HECA: variants seen among roughly 807,000 people sequenced by gnomAD.
HECA encodes the protein HECA ribonucleoprotein granule regulator, also known as headcase protein homolog.
In HECA, 13 loss-of-function variants were observed where a neutral mutation model predicts 37.6. The ratio of observed to expected loss-of-function variants is 0.35; its 90% CI spans 0.23 to 0.55. The LOEUF (loss-of-function observed/expected upper bound fraction) is 0.55, where lower values mean the gene tolerates loss of function less well. Ranked by LOEUF, HECA falls within the 20% of genes least tolerant of loss-of-function variation. The pLI, the probability that HECA is intolerant of heterozygous loss-of-function variation, is 0.90. For synonymous variants in HECA, 307 were observed against 291.5 expected (o/e 1.05, Z -0.54); for missense variants, 527 against 701.9 (o/e 0.75, Z 2.82).
At chr6:139,170,669 G>A (rs78697103) in intron 2 of HECA, 4,568 of 152,314 alleles carry the variant, frequency 0.03, 74 homozygotes, top group Non-Finnish European at 0.039. Context: ...GAGTGGGAAA[G>A]GAGTAGGATA....
rs1285962547 is a variant in HECA, at chr6:139,135,688, C to T, written c.271+21C>T. ...AAACGGTAAGACGGGGCTGGCGGGG[C>T]GAGCGCCAACTTCCTCCCCGACGGG... On this transcript the variant is annotated intron_variant, in intron 1 of 3. Coordinates refer to ENST00000367658, the MANE Select transcript of HECA (RefSeq NM_016217.3). 149 of 974,466 alleles carry T rather than the reference C, an allele frequency of 1.5e-4. No homozygotes were observed. The African/African-American group carries it at 1.8e-3, about 12-fold the overall frequency. 60.4% of individuals were successfully genotyped at this position (974,466 alleles called of 1,614,324 possible). A position where few individuals can be genotyped will look rare whatever the true frequency, so the allele number is the denominator to read the frequency against.
Position 139,166,651 on chromosome 6 carries a change from G to A in HECA, c.639G>A (p.Arg213=). ...CTGGCTCCGAGAAGAACACAGGGAG[G>A]CCTCCTGGTGAGGCGGCGGAGGAGG... ...KKSGSEKNTG[R]PPGEAAEEAK... Residue 213 remains arginine, a synonymous_variant, in exon 2 of 4, where the codon AGG becomes AGA. Coordinates refer to ENST00000367658, the MANE Select transcript of HECA (RefSeq NM_016217.3). 1 of 1,614,132 alleles carries A rather than the reference G, an allele frequency of 6.2e-7. No individual in the cohort carries two copies. Among genetic ancestry groups the A allele is most frequent in the East Asian group, 2.2e-5 (1 of 44,876 alleles).
intron 1 of HECA, among the ~76,000 whole-genome samples, chr6:139,161,105 C>A: frequency 6.6e-6 from 1 of 151,874 alleles, no homozygotes; most frequent in African/African-American, 2.4e-5. Context: ...TTGAACCGAG[C>A]CTTGAAGGAA....
rs920871365 is a variant in HECA at position 139,148,166 on chromosome 6, G to T, written c.271+12499G>T. Among the ~76,000 whole-genome samples the T allele has an allele frequency of 2.0e-5, 3 of 152,048 alleles. No individual in the cohort carries two copies. In the South Asian group the frequency reaches 6.2e-4, roughly 31 times the overall value. On this transcript the variant is annotated intron_variant, in intron 1 of 3. Coordinates refer to ENST00000367658, the MANE Select transcript of HECA (RefSeq NM_016217.3). ...TTACTGATTTTCACAAAGTGTTTGC[G>T]TATTCAGGGTACTTTTTGACATACG...
intron 1 of HECA, among the ~76,000 whole-genome samples, chr6:139,163,843 G>A (rs1477979271): frequency 6.6e-6 from 1 of 152,066 alleles, no homozygotes; most frequent in Non-Finnish European, 1.5e-5. Flanking sequence ...TAGTCCTAGG[G>A]ATTTGACCTT....
intron 1 of HECA, among the ~76,000 whole-genome samples, chr6:139,138,481 A>C (rs1774476886): frequency 6.6e-6 from 1 of 152,218 alleles, no homozygotes; most frequent in Non-Finnish European, 1.5e-5. Flanking sequence ...AAACTTAATG[A>C]CTTCGCTTAA....
At chr6:139,152,445 T>TGTGTGTGC (rs1554217515) in intron 1 of HECA, among the ~76,000 whole-genome samples, 1 of 151,732 alleles carries the variant, frequency 6.6e-6, no homozygotes, top group Non-Finnish European at 1.5e-5. Flanking sequence ...TGTGTGTGTG[T>TGTGTGTGC]AGCTTCCATG....
At chr6:139,152,464 GAC>G (rs1759091801) in intron 1 of HECA, among the ~76,000 whole-genome samples, 1 of 141,268 alleles carries the variant, frequency 7.1e-6, no homozygotes, top group Admixed American at 7.1e-5. Context: ...TGTTTATTTT[GAC>G]AGAGTGGTTT....
rs1774879718 is a variant in HECA at position 139,166,071 on chromosome 6, T to A, written c.272-213T>A. ...AGCTCAGGATGAAGGGCGTTGAAGG[T>A]CCTTTTTAGAGATTCCACCAGACTG... On this transcript the variant is annotated intron_variant, in intron 1 of 3. Transcript: ENST00000367658. 15 of 490,700 alleles carry A rather than the reference T, an allele frequency of 3.1e-5. No homozygotes were observed. In the South Asian group the frequency reaches 4.7e-4, roughly 15 times the overall value. The allele number at this position is 490,700 out of a possible 1,614,324, so 30.4% of individuals were successfully genotyped here. A position where few individuals can be genotyped will look rare whatever the true frequency, so the allele number is the denominator to read the frequency against.
At chr6:139,154,740 A>G (rs1488995338) in intron 1 of HECA, among the ~76,000 whole-genome samples, 1 of 152,238 alleles carries the variant, frequency 6.6e-6, no homozygotes, top group Non-Finnish European at 1.5e-5. Context: ...TCAAGAGAGA[A>G]GAAGCAGGTC....
At chr6:139,169,084 C>A (rs1271568101) in intron 2 of HECA, among the ~76,000 whole-genome samples, 1 of 152,174 alleles carries the variant, frequency 6.6e-6, no homozygotes, top group Non-Finnish European at 1.5e-5. Flanking sequence ...TCTGTACTCT[C>A]TTGGCCCTTT....
intron 1 of HECA, among the ~76,000 whole-genome samples, chr6:139,157,541 T>G (rs1318999909): frequency 6.6e-6 from 1 of 152,254 alleles, no homozygotes; most frequent in Non-Finnish European, 1.5e-5. Flanking sequence ...TCTTTGACAC[T>G]AGTCAGTAAA....
intron 1 of HECA, among the ~76,000 whole-genome samples, chr6:139,160,197 T>TA (rs1774777827): frequency 6.6e-6 from 1 of 152,194 alleles, no homozygotes; most frequent in Non-Finnish European, 1.5e-5. Flanking sequence ...AGAAGCTGGG[T>TA]ACTGACTACT....
chr6:139,147,141 G>A (rs1467252784), intron 1 of HECA, among the ~76,000 whole-genome samples: 1 of 152,186 alleles, frequency 6.6e-6, no homozygotes, highest in East Asian at 1.9e-4. Context: ...AGGCTTGGCT[G>A]TAGGGAAGTG....
Position 139,180,135 on chromosome 6 carries a change from A to G in HECA, c.*3030A>G, listed in dbSNP as rs1320066186. On this transcript the variant is annotated 3_prime_UTR_variant, in exon 4 of 4. Transcript: ENST00000367658. ...GGGTGAATTATCCCATTCTAGTTAC[A>G]GAGGAGCTTTCCTTAAATGCCCTTT... is the stretch of plus-strand genomic sequence containing the variant. 6.6e-6 allele frequency: 1 copy of G among 152,202 alleles called. No homozygotes were observed. Among genetic ancestry groups the G allele is most frequent in the Non-Finnish European group, 1.5e-5 (1 of 68,030 alleles). The allele number at this position is 152,202 out of a possible 1,614,324, so 9.4% of individuals were successfully genotyped here.
rs1774412562 is a variant in HECA, at chr6:139,135,129, C to G, written c.-268C>G. The G allele has an allele frequency of 1.2e-5, 2 of 166,472 alleles. No homozygotes were observed. Among genetic ancestry groups the G allele is most frequent in the African/African-American group, 2.4e-5 (1 of 41,822 alleles). 10.3% of individuals were successfully genotyped at this position (166,472 alleles called of 1,614,324 possible). A position where few individuals can be genotyped will look rare whatever the true frequency, so the allele number is the denominator to read the frequency against. On this transcript the variant is annotated 5_prime_UTR_variant, in exon 1 of 4. Coordinates refer to ENST00000367658, the MANE Select transcript of HECA (RefSeq NM_016217.3). The stretch of plus-strand genomic sequence containing the variant: ...GGAGACCCGCCTTTTCCCTCCGGCT[C>G]GGGAGCGTCTCGCTTGCGCCCCGGG...
In HECA at chr6:139,174,399, C is replaced by T. The variant is rs1194792126; in HGVS notation, c.1327C>T (p.Leu443=). ...PCHLQGRLMH[L]YAVCVDCLEG... ...TCTGTGCACAGGGAGACTCATGCAT[C>T]TGTATGCCGTGTGCGTGGACTGCCT... The change falls in exon 3 of 4, where the codon CTG becomes TTG. Residue 443 remains leucine (L), a synonymous_variant. Transcript: ENST00000367658. The T allele has an allele frequency of 1.9e-6, 3 of 1,613,694 alleles. No individual in the cohort carries two copies. The African/African-American group carries it at 4.0e-5, about 22-fold the overall frequency.
At chr6:139,150,388 T>A (rs572251884) in intron 1 of HECA, among the ~76,000 whole-genome samples, 1 of 152,168 alleles carries the variant, frequency 6.6e-6, no homozygotes, top group South Asian at 2.1e-4. Flanking sequence ...TTTTTGACTT[T>A]GGAATAAATC....
chr6:139,156,855 A>G (rs147049160), intron 1 of HECA, among the ~76,000 whole-genome samples: 7 of 152,334 alleles, frequency 4.6e-5, no homozygotes, highest in African/African-American at 1.4e-4. Context: ...TCTGTTACCC[A>G]TGCTAGGGAA....
Sources: allele counts gnomAD v4.1 joint callset (sites outside exome capture counted in the v4.1 genomes callset), GRCh38; gene constraint gnomAD v4.1.1; transcripts MANE v1.5; gene names NCBI Gene and HGNC (gene_info 2026-07-23, HGNC 2026-07-21).